SORCS3: variants seen among roughly 807,000 people sequenced by gnomAD.
SORCS3 encodes the protein VPS10 domain-containing receptor SorCS3.
SORCS3 carries 57 observed loss-of-function variants against 146.3 expected under a neutral mutation model. The observed-to-expected ratio is 0.39, with a 90% confidence interval of 0.31 to 0.49. SORCS3 has a LOEUF of 0.49. SORCS3 is among the 20% of genes least tolerant of loss of function. The pLI, the probability that SORCS3 is intolerant of heterozygous loss-of-function variation, is 0.92. For missense variants in SORCS3, 1,341 were observed against 1,575.5 expected (o/e 0.85, Z 2.52); for synonymous variants, 653 against 618.5 (o/e 1.06, Z -0.83).
intron 1 of SORCS3, among the ~76,000 whole-genome samples, chr10:104,716,369 G>T (rs549165435): frequency 6.6e-6 from 1 of 152,256 alleles, no homozygotes; most frequent in African/African-American, 2.4e-5. Flanking sequence ...GTTAAACTTT[G>T]TTGAGTGATG....
rs895546878 is a variant in SORCS3 at position 104,838,416 on chromosome 10, C to T, written c.628-4376C>T. Among the ~76,000 whole-genome samples, 3 of 151,800 alleles carry T rather than the reference C, an allele frequency of 2.0e-5. 1 individual carries two copies. Among genetic ancestry groups the T allele is most frequent in the South Asian group, 2.1e-4 (1 of 4,806 alleles). On this transcript the variant is annotated intron_variant, in intron 1 of 26. Coordinates refer to ENST00000369701, the MANE Select transcript of SORCS3 (RefSeq NM_014978.3). ...GAAGGCTGTGAGTGGTGGGAGAGGT[C>T]GGGGTGGGCAGGCTTTCTCTTGCTC...
intron 1 of SORCS3, among the ~76,000 whole-genome samples, chr10:104,740,534 A>C (rs2016829224): frequency 6.6e-6 from 1 of 152,066 alleles, no homozygotes; most frequent in Non-Finnish European, 1.5e-5. Context: ...GCACATATTA[A>C]ATTGTTGCTT....
At chr10:104,831,322 A>G (rs2017998289) in intron 1 of SORCS3, among the ~76,000 whole-genome samples, 1 of 152,218 alleles carries the variant, frequency 6.6e-6, no homozygotes, top group Non-Finnish European at 1.5e-5. Context: ...TATAAAAGAA[A>G]AGAAACAGAG....
intron 16 of SORCS3, among the ~76,000 whole-genome samples, chr10:105,204,996 G>C (rs1432980077): frequency 6.6e-6 from 1 of 152,164 alleles, no homozygotes; most frequent in Non-Finnish European, 1.5e-5. Flanking sequence ...GTCCTCTCTA[G>C]CAGGAAGTAT....
At chr10:104,793,636 ATT>A (rs1164288007) in intron 1 of SORCS3, among the ~76,000 whole-genome samples, 2 of 152,170 alleles carry the variant, frequency 1.3e-5, no homozygotes, top group East Asian at 3.8e-4. Context: ...GGCTTTTAGT[ATT>A]TTTCTCTACA....
intron 6 of SORCS3, among the ~76,000 whole-genome samples, chr10:105,100,319 G>A (rs791106): frequency 0.16 from 24,173 of 152,146 alleles, 2,125 homozygotes; most frequent in Middle Eastern, 0.2. Context: ...TCACTCTCTA[G>A]TTTTTACATA....
chr10:104,763,811 T>C (rs2017149888), intron 1 of SORCS3, among the ~76,000 whole-genome samples: 1 of 152,190 alleles, frequency 6.6e-6, no homozygotes, highest in Admixed American at 6.5e-5. Flanking sequence ...GTTCCCTGCA[T>C]GCTGTTCTCC....
intron 3 of SORCS3, among the ~76,000 whole-genome samples, chr10:104,940,238 A>ATATATATATATATATATATT (rs1435205868): frequency 3.5e-4 from 11 of 31,500 alleles, no homozygotes; most frequent in Admixed American, 8.3e-4. Context: ...ATATATATAT[A>ATATATATATATATATATATT]TTTTTTTTTT....
chr10:104,982,934 T>G (rs1351215430), intron 4 of SORCS3, among the ~76,000 whole-genome samples: 1 of 152,194 alleles, frequency 6.6e-6, no homozygotes, highest in Non-Finnish European at 1.5e-5. Flanking sequence ...GAACATTCAT[T>G]CGAATGAACA....
chr10:105,255,623 C>T, intron 23 of SORCS3, 79 bp from the exon 24 acceptor site: 4 of 936,712 alleles, frequency 4.3e-6, no homozygotes, highest in South Asian at 1.5e-5. Flanking sequence ...ACCTATTGAC[C>T]TTGTCCTTGG....
At chr10:105,233,457 C>T (rs535788987) in intron 20 of SORCS3, among the ~76,000 whole-genome samples, 1 of 151,938 alleles carries the variant, frequency 6.6e-6, no homozygotes, top group East Asian at 1.9e-4. Context: ...TGAAGAACAT[C>T]CAGGTTTGTT....
At chr10:105,239,581 A>G (rs1433954413) in intron 20 of SORCS3, among the ~76,000 whole-genome samples, 1 of 151,960 alleles carries the variant, frequency 6.6e-6, no homozygotes, top group African/African-American at 2.4e-5. Context: ...CTCTGTGGGG[A>G]GGGATGTAGC....
At chr10:104,974,451 G>A (rs144975053) in intron 3 of SORCS3, among the ~76,000 whole-genome samples, 1,528 of 152,196 alleles carry the variant, frequency 0.01, 23 homozygotes, top group African/African-American at 0.036. Flanking sequence ...ATTATGTAAT[G>A]GCCTTCTTTG....
At chr10:104,800,874 C>T (rs2017616948) in intron 1 of SORCS3, among the ~76,000 whole-genome samples, 2 of 152,154 alleles carry the variant, frequency 1.3e-5, no homozygotes, top group African/African-American at 2.4e-5. Context: ...CCTTCCCATC[C>T]CACCTTCTCC....
chr10:104,734,550 G>A (rs2133455011), intron 1 of SORCS3, among the ~76,000 whole-genome samples: 1 of 152,324 alleles, frequency 6.6e-6, no homozygotes, highest in Non-Finnish European at 1.5e-5. Flanking sequence ...CACTGTGCTG[G>A]TGCACAGGAC....
intron 17 of SORCS3, among the ~76,000 whole-genome samples, chr10:105,212,150 C>G (rs1388674606): frequency 6.6e-6 from 1 of 152,100 alleles, no homozygotes; most frequent in Non-Finnish European, 1.5e-5. Flanking sequence ...AGGTTGAGTA[C>G]TATCTACCTA....
rs116855525 is a variant in SORCS3 at position 105,213,567 on chromosome 10, G to A, written c.2376-875G>A. On this transcript the variant is annotated intron_variant, in intron 17 of 26. Coordinates refer to ENST00000369701, the MANE Select transcript of SORCS3 (RefSeq NM_014978.3). Reference sequence around the variant, plus strand: ...CCAGAACATTTGTTTTTTCAGTGCAGCCTTATAGATGGTCATGTGCCTGGA... The same window carrying A: ...CCAGAACATTTGTTTTTTCAGTGCAACCTTATAGATGGTCATGTGCCTGGA... Among the ~76,000 whole-genome samples, 910 of 152,182 alleles carry A rather than the reference G, an allele frequency of 6.0e-3. 26 individuals carry two copies. The highest frequency in any genetic ancestry group is 0.032 in the Admixed American group (482 of 15,286).
At chr10:104,745,282 A>G (rs1320813431) in intron 1 of SORCS3, among the ~76,000 whole-genome samples, 1 of 152,186 alleles carries the variant, frequency 6.6e-6, no homozygotes, top group African/African-American at 2.4e-5. Flanking sequence ...CTACTGTCAC[A>G]TCTACATCAA....
chr10:105,241,418 G>A (rs920646573), intron 20 of SORCS3, among the ~76,000 whole-genome samples: 1 of 152,354 alleles, frequency 6.6e-6, no homozygotes, highest in Middle Eastern at 3.4e-3. Flanking sequence ...GGGGGTGTTA[G>A]AGTGCACCTT....
Sources: allele counts gnomAD v4.1 joint callset (sites outside exome capture counted in the v4.1 genomes callset), GRCh38; gene constraint gnomAD v4.1.1; transcripts MANE v1.5; gene names NCBI Gene and HGNC (gene_info 2026-07-23, HGNC 2026-07-21).